Variants in CSMD1 observed in about 807,000 individuals in gnomAD.
The protein encoded by CSMD1 is CUB and sushi domain-containing protein 1.
A neutral mutation model predicts 417.5 loss-of-function variants in CSMD1; 213 were observed. The observed-to-expected ratio is 0.51, with a 90% CI of 0.46 to 0.57. The LOEUF (loss-of-function observed/expected upper bound fraction) is 0.57, where lower values mean the gene tolerates loss of function less well. Among genes scored for constraint, CSMD1 ranks in the 20% least tolerant of loss-of-function variants. CSMD1 has a pLI of 0.00. For synonymous variants in CSMD1, 2,862 were observed against 1,736.8 expected (o/e 1.65, Z -16.11); for missense variants, 6,923 against 4,529.7 (o/e 1.53, Z -15.17).
chr8:4,426,394 A>C (rs1248571506), intron 2 of CSMD1, among the ~76,000 whole-genome samples: 1 of 149,400 alleles, frequency 6.7e-6, no homozygotes, highest in Non-Finnish European at 1.5e-5. Flanking sequence ...TATATAGTAA[A>C]CCTTTTTATA....
At position 2,953,901 on chromosome 8, in the gene CSMD1, T is replaced by C. The variant is rs141415928; in HGVS notation, c.10039+323A>G. 9.3e-3 allele frequency among the ~76,000 whole-genome samples: 1,417 copies of C among 152,360 alleles called. 9 individuals are homozygous for C. The highest frequency in any genetic ancestry group is 0.017 in the Middle Eastern group (5 of 294). On this transcript the variant is annotated intron_variant, in intron 65 of 69. Transcript: ENST00000635120. ...GGAGGAAAAAAGTCGCAACCCTCTT[T>C]ATAAGGCTCTCCATTATACCACATG...
chr8:4,297,755 G>T (rs1044273121), intron 3 of CSMD1, among the ~76,000 whole-genome samples: 1 of 152,058 alleles, frequency 6.6e-6, no homozygotes, highest in Non-Finnish European at 1.5e-5. Context: ...TAACGATTAA[G>T]AACCAACATC....
At chr8:3,974,002 T>C (rs928868815) in intron 5 of CSMD1, among the ~76,000 whole-genome samples, 1 of 152,202 alleles carries the variant, frequency 6.6e-6, no homozygotes, top group Admixed American at 6.5e-5. Context: ...AACAATGCAA[T>C]TACACTCTTT....
intron 1 of CSMD1, among the ~76,000 whole-genome samples, chr8:4,643,986 T>A (rs1022189977): frequency 3.3e-5 from 5 of 152,070 alleles, no homozygotes; most frequent in Admixed American, 2.6e-4. Flanking sequence ...CTTGGTTGGG[T>A]TTTACTCCCA....
intron 1 of CSMD1, among the ~76,000 whole-genome samples, chr8:4,714,713 C>G (rs1220754982): frequency 1.3e-5 from 2 of 152,052 alleles, no homozygotes; most frequent in South Asian, 4.1e-4. Flanking sequence ...CTCGAGAATA[C>G]AAATTTCCAC....
At chr8:3,813,542 A>G (rs554259955) in intron 5 of CSMD1, among the ~76,000 whole-genome samples, 11 of 152,338 alleles carry the variant, frequency 7.2e-5, no homozygotes, top group South Asian at 2.1e-4. Context: ...CTACTCTAAT[A>G]TAACACAACG....
chr8:4,012,513 T>C (rs1329056543), intron 4 of CSMD1, among the ~76,000 whole-genome samples: 1 of 152,190 alleles, frequency 6.6e-6, no homozygotes, highest in African/African-American at 2.4e-5. Flanking sequence ...GGTGTATGCA[T>C]GATCCCTACA....
intron 5 of CSMD1, among the ~76,000 whole-genome samples, chr8:3,889,135 G>C (rs116010439): frequency 0.013 from 2,015 of 151,966 alleles, 41 homozygotes; most frequent in African/African-American, 0.046. Context: ...CAATGATTCA[G>C]ATGAAAAATC....
chr8:4,068,750 C>T (rs1397088988), intron 3 of CSMD1, among the ~76,000 whole-genome samples: 1 of 151,980 alleles, frequency 6.6e-6, no homozygotes, highest in Non-Finnish European at 1.5e-5. Flanking sequence ...ATTTCTGTAC[C>T]ATAAAATAAT....
intron 5 of CSMD1, among the ~76,000 whole-genome samples, chr8:3,774,165 C>G (rs1476129249): frequency 1.3e-5 from 2 of 152,126 alleles, no homozygotes; most frequent in African/African-American, 4.8e-5. Context: ...TTATCTAAAG[C>G]CTTTTGTGAC....
chr8:4,060,191 A>G (rs562034077), intron 3 of CSMD1, among the ~76,000 whole-genome samples: 15 of 152,078 alleles, frequency 9.9e-5, no homozygotes, highest in Admixed American at 8.5e-4. Flanking sequence ...AAAGACAAAA[A>G]CCACATGATT....
intron 8 of CSMD1, among the ~76,000 whole-genome samples, chr8:3,607,043 T>G (rs543883369): frequency 2.0e-4 from 30 of 152,294 alleles, no homozygotes; most frequent in African/African-American, 7.2e-4. Context: ...GTGAGTTTTT[T>G]GCAATAATAC....
chr8:2,938,833 G>A (rs1801668769), intron 69 of CSMD1, 89 bp from the exon 70 acceptor site: 3 of 1,150,680 alleles, frequency 2.6e-6, no homozygotes, highest in Non-Finnish European at 2.5e-6. Context: ...AACGTCTACA[G>A]AGCAGGGAGC....
chr8:4,137,010 G>A (rs1012111699), intron 3 of CSMD1, among the ~76,000 whole-genome samples: 7 of 152,186 alleles, frequency 4.6e-5, no homozygotes, highest in African/African-American at 1.7e-4. Context: ...AAACCAAGCA[G>A]CTGTGTATTT....
In CSMD1 at chr8:3,404,919, TATAA is replaced by T. The variant is rs1404985351; in HGVS notation, c.2266+1104_2266+1107del. ...TGAATCATTTCCAACTCTTCACTGC[TATAA>T]ATAGTCTTGCAGAAAACATTCTTGA... On this transcript the variant is annotated intron_variant, in intron 15 of 69. Coordinates refer to ENST00000635120, the MANE Select transcript of CSMD1 (RefSeq NM_033225.6). Among the ~76,000 whole-genome samples the T allele has an allele frequency of 1.1e-4, 16 of 152,306 alleles. No homozygotes were observed. The South Asian group carries it at 1.2e-3, about 12-fold the overall frequency.
chr8:4,368,468 G>C (rs1015194056), intron 3 of CSMD1, among the ~76,000 whole-genome samples: 5 of 152,148 alleles, frequency 3.3e-5, no homozygotes, highest in African/African-American at 1.2e-4. Context: ...TTTAATATCA[G>C]AATGATGCTG....
chr8:3,799,966 G>A (rs1326024486), intron 5 of CSMD1, among the ~76,000 whole-genome samples: 1 of 151,978 alleles, frequency 6.6e-6, no homozygotes, highest in African/African-American at 2.4e-5. Context: ...AAATGTCTGG[G>A]GTATAAGCAT....
At chr8:4,080,923 G>A (rs924683897) in intron 3 of CSMD1, among the ~76,000 whole-genome samples, 1 of 152,148 alleles carries the variant, frequency 6.6e-6, no homozygotes, top group Non-Finnish European at 1.5e-5. Context: ...GGGCCTTTGT[G>A]AGGTGATTAG....
chr8:4,677,848 G>C (rs1334167069), intron 1 of CSMD1, among the ~76,000 whole-genome samples: 1 of 152,142 alleles, frequency 6.6e-6, no homozygotes, highest in Non-Finnish European at 1.5e-5. Flanking sequence ...AAACGAAGCT[G>C]AAGAATGTCT....
Sources: allele counts gnomAD v4.1 joint callset (sites outside exome capture counted in the v4.1 genomes callset), GRCh38; gene constraint gnomAD v4.1.1; transcripts MANE v1.5; gene names NCBI Gene and HGNC (gene_info 2026-07-23, HGNC 2026-07-21).